Variants in SLC45A4 observed in about 807,000 individuals in gnomAD.
SLC45A4 encodes solute carrier family 45 member 4, also known as polyamine-transporter SLC45A4.
A neutral mutation model predicts 63.7 loss-of-function variants in SLC45A4; 32 were observed. That is an observed-to-expected ratio of 0.50 (90% CI 0.38 to 0.67). The LOEUF is 0.67. SLC45A4 is among the 30% of genes least tolerant of loss of function. SLC45A4 has a pLI of 0.00. For missense variants in SLC45A4, 1,027 were observed against 1,157.7 expected (o/e 0.89, Z 1.64); for synonymous variants, 535 against 510.0 (o/e 1.05, Z -0.66).
rs751036945 is a variant in SLC45A4, at chr8:141,211,482, C to G, written c.*90G>C. On this transcript the variant is annotated 3_prime_UTR_variant, in exon 9 of 9. Transcript: ENST00000517878. The stretch of plus-strand genomic sequence containing the variant: ...CAGGCCCCCCGGACCAGCCTCCTCC[C>G]AGCTTTGGTGTGCGGTCGCTGCCCA... The G allele has an allele frequency of 6.2e-7, 1 of 1,604,644 alleles. No homozygotes were observed. Among genetic ancestry groups the G allele is most frequent in the East Asian group, 2.2e-5 (1 of 44,646 alleles).
At chr8:141,284,200 C>G (rs750780936) in intron 1 of SLC45A4, among the ~76,000 whole-genome samples, 1 of 152,216 alleles carries the variant, frequency 6.6e-6, no homozygotes, top group Admixed American at 6.5e-5. Flanking sequence ...TGTCCACCGT[C>G]AAGTCATGAA....
chr8:141,269,837 CTG>C (rs1425767779), intron 1 of SLC45A4, among the ~76,000 whole-genome samples: 2 of 152,124 alleles, frequency 1.3e-5, no homozygotes, highest in African/African-American at 4.8e-5. Flanking sequence ...TTTGAAGAAA[CTG>C]AATCAAGGAA....
chr8:141,215,672 C>A lies in SLC45A4; in HGVS notation c.1941+87G>T. The stretch of plus-strand genomic sequence containing the variant: ...AGGGCCATCTGTGTCGTGAACGTCC[C>A]CCCGGGGAAGCACAGGGCTCTGCTC... On this transcript the variant is annotated intron_variant, in intron 7 of 8. Transcript: ENST00000517878. This position sits in a 1 kb window ranked among gnomAD's most constrained non-coding sequence, Gnocchi z 4.3. 7.1e-7 allele frequency: 1 copy of A among 1,403,860 alleles called. No individual in the cohort carries two copies. Among genetic ancestry groups the A allele is most frequent in the Non-Finnish European group, 9.9e-7 (1 of 1,009,138 alleles). 87.0% of individuals were successfully genotyped at this position (1,403,860 alleles called of 1,614,324 possible).
At chr8:141,212,608 C>T in intron 7 of SLC45A4, 52 bp from the exon 8 acceptor site, 1 of 1,530,070 alleles carries the variant, frequency 6.5e-7, no homozygotes, top group Non-Finnish European at 8.8e-7. Flanking sequence ...GTGGCTGCTA[C>T]CCGTGCTTCA....
intron 1 of SLC45A4, among the ~76,000 whole-genome samples, chr8:141,277,773 G>A (rs1044324191): frequency 6.6e-6 from 1 of 151,996 alleles, no homozygotes; most frequent in Non-Finnish European, 1.5e-5. Context: ...CAGAGTAGCT[G>A]GGACTACAGG....
intron 1 of SLC45A4, among the ~76,000 whole-genome samples, chr8:141,277,118 A>G (rs910482705): frequency 7.9e-5 from 12 of 152,248 alleles, no homozygotes; most frequent in African/African-American, 2.9e-4. Context: ...CGCCCTCTAC[A>G]GATGGGTGCG....
intron 2 of SLC45A4, chr8:141,253,412 C>A: frequency 4.8e-6 from 1 of 207,046 alleles, no homozygotes; most frequent in South Asian, 5.8e-5. Context: ...TGTCTCTGAG[C>A]CATCTACTGT....
chr8:141,247,601 G>A (rs10088627), intron 2 of SLC45A4, among the ~76,000 whole-genome samples: 51,026 of 152,002 alleles, frequency 0.34, 9,367 homozygotes, highest in East Asian at 0.42. Context: ...TTTTAGAAAC[G>A]AGGTCTTGCT....
chr8:141,283,272 G>A (rs1401224308), intron 1 of SLC45A4, among the ~76,000 whole-genome samples: 2 of 152,312 alleles, frequency 1.3e-5, no homozygotes, highest in Non-Finnish European at 2.9e-5. Context: ...CAGCCTCTGC[G>A]AACATGAGGA....
chr8:141,269,202 A>C (rs868771078), intron 1 of SLC45A4, among the ~76,000 whole-genome samples: 1 of 152,242 alleles, frequency 6.6e-6, no homozygotes, highest in Non-Finnish European at 1.5e-5. Context: ...TTTCACCCTC[A>C]AGAGTGTCCC....
intron 1 of SLC45A4, among the ~76,000 whole-genome samples, chr8:141,296,837 A>G: frequency 4.8e-5 from 1 of 20,966 alleles, no homozygotes; most frequent in East Asian, 7.5e-4. Context: ...CTCCATTGCC[A>G]AAAAAAAAAA....
chr8:141,247,262 A>ACTACT (rs1828257902), intron 2 of SLC45A4, among the ~76,000 whole-genome samples: 1 of 152,264 alleles, frequency 6.6e-6, no homozygotes, highest in Non-Finnish European at 1.5e-5. Context: ...AATCACTTAT[A>ACTACT]CTACTCTATA....
chr8:141,207,994 G>A lies in SLC45A4; in HGVS notation c.*3578C>T, dbSNP rs1238215357. On this transcript the variant is annotated 3_prime_UTR_variant, in exon 9 of 9. Coordinates refer to ENST00000517878, the MANE Select transcript of SLC45A4 (RefSeq NM_001286646.2). Reference sequence around the variant, plus strand: ...CTGTGGCACCAGGCTTGGAGGCAGGGAGCTGGTGTCTCTCAGAAGCGGCGC... The same window carrying A: ...CTGTGGCACCAGGCTTGGAGGCAGGAAGCTGGTGTCTCTCAGAAGCGGCGC... 6.6e-6 allele frequency: 1 copy of A among 152,398 alleles called. No individual in the cohort carries two copies. The highest frequency in any genetic ancestry group is 1.5e-5 in the Non-Finnish European group (1 of 68,146). 9.4% of individuals were successfully genotyped at this position (152,398 alleles called of 1,614,324 possible). A position where few individuals can be genotyped will look rare whatever the true frequency, so the allele number is the denominator to read the frequency against.
intron 7 of SLC45A4, 106 bp from the exon 8 acceptor site, chr8:141,212,662 T>C (rs1825911924): frequency 1.5e-6 from 2 of 1,365,368 alleles, no homozygotes; most frequent in African/African-American, 2.9e-5. Flanking sequence ...ATGACCCGTC[T>C]TCCACCGAGT....
In SLC45A4 at chr8:141,219,829, C is replaced by G; in HGVS notation, c.431G>C (p.Gly144Ala). 6.3e-7 allele frequency: 1 copy of G among 1,575,886 alleles called. No homozygotes were observed. Among genetic ancestry groups the G allele is most frequent in the Middle Eastern group, 1.7e-4 (1 of 5,736 alleles). ...VALFLNGSAIGLALGDVPNRQ... is the reference protein window; with the variant it reads ...VALFLNGSAIALALGDVPNRQ... ...GTTGGGGACATCGCCGAGGGCCAGA[C>G]CTGCGCAGAGCACACGGGAGGGCGG... Residue 144 changes from glycine to alanine, a missense_variant and splice_region_variant, in exon 4 of 9, where the codon GGT becomes GCT. Gly to Ala is a moderately conservative substitution (Grantham distance 60). Transcript: ENST00000517878.
intron 2 of SLC45A4, among the ~76,000 whole-genome samples, chr8:141,235,905 C>A (rs984633182): frequency 6.6e-6 from 1 of 152,132 alleles, no homozygotes. Context: ...AGTTCGAGAC[C>A]AGCCTGGCCA....
Position 141,208,962 on chromosome 8 carries a change from C to G in SLC45A4, c.*2610G>C, listed in dbSNP as rs1012674472. ...CACAAGACTCGACCAACCGACACAC[C>G]CTGCCTGACACTCCACTCAGTGTGC... On this transcript the variant is annotated 3_prime_UTR_variant, in exon 9 of 9. Coordinates refer to ENST00000517878, the MANE Select transcript of SLC45A4 (RefSeq NM_001286646.2). The G allele has an allele frequency of 1.3e-5, 2 of 152,602 alleles. No individual in the cohort carries two copies. Among genetic ancestry groups the G allele is most frequent in the Admixed American group, 6.5e-5 (1 of 15,288 alleles). The allele number at this position is 152,602 out of a possible 1,614,324, so 9.5% of individuals were successfully genotyped here.
rs1209615166 is a variant in SLC45A4, at chr8:141,212,150, GCCCA to G, written c.2301+43_2301+46del. On this transcript the variant is annotated intron_variant, in intron 8 of 8. Coordinates refer to ENST00000517878, the MANE Select transcript of SLC45A4 (RefSeq NM_001286646.2). ...GCCTGGCCCCGCCGCCCGCCCGCCC[GCCCA>G]CCCGCCCACTGGAATGTGTGTAAAC... is the stretch of plus-strand genomic sequence containing the variant. 27 of 889,478 alleles carry G rather than the reference GCCCA, an allele frequency of 3.0e-5. No homozygotes were observed. The African/African-American group carries it at 7.9e-4, about 26-fold the overall frequency. 55.1% of individuals were successfully genotyped at this position (889,478 alleles called of 1,614,324 possible).
rs775402797 is a variant in SLC45A4 at position 141,219,761 on chromosome 8, C to T, written c.499G>A (p.Val167Ile). The T allele has an allele frequency of 3.7e-6, 6 of 1,601,348 alleles. No individual in the cohort carries two copies. In the East Asian group the frequency reaches 1.1e-4, roughly 30 times the overall value. ...GTGGCATCGGCGCTGAAGTCCAGGA[C>T]CACCACTCCCAGCACCGTGAGCACG... ...GIVLTVLGVVVLDFSADATEG... is the reference protein window; with the variant it reads ...GIVLTVLGVVILDFSADATEG... The change falls in exon 4 of 9, where the codon GTC becomes ATC. Residue 167 changes from valine to isoleucine, a missense_variant. Physicochemically the swap from Val to Ile is conservative, Grantham distance 29. Coordinates refer to ENST00000517878, the MANE Select transcript of SLC45A4 (RefSeq NM_001286646.2).
Sources: gnomAD v4.1 joint callset for allele counts (sites outside exome capture counted in the v4.1 genomes callset) on GRCh38, gnomAD v4.1.1 for gene constraint, Gnocchi (gnomAD v3.1) non-coding constraint, MANE v1.5 for transcripts, NCBI Gene and HGNC (gene_info 2026-07-23, HGNC 2026-07-21) for gene names.